TFCP2L1: variants seen among roughly 807,000 people sequenced by gnomAD.
The protein encoded by TFCP2L1 is transcription factor CP2 like 1.
In TFCP2L1, 12 loss-of-function variants were observed where a neutral mutation model predicts 72.2. The observed-to-expected ratio is 0.17, with a 90% CI of 0.11 to 0.27. The LOEUF (loss-of-function observed/expected upper bound fraction) is 0.27, where lower values mean the gene tolerates loss of function less well. Ranked by LOEUF, TFCP2L1 falls within the 10% of genes least tolerant of loss-of-function variation. The pLI, the probability that TFCP2L1 is intolerant of heterozygous loss-of-function variation, is 1.00. For missense variants in TFCP2L1, 488 were observed against 624.6 expected, an observed-to-expected ratio of 0.78 and a Z score of 2.33; for synonymous variants, 260 against 251.0, an observed-to-expected ratio of 1.04 and a Z score of -0.34.
At chr2:121,240,728 C>G (rs1447221678) in intron 7 of TFCP2L1, 1 of 985,386 alleles carries the variant, frequency 1.0e-6, no homozygotes, top group Non-Finnish European at 1.2e-6. Flanking sequence ...GGGGAACACT[C>G]TGGGCAGTGG....
At chr2:121,230,764 C>T (rs991862102) in intron 13 of TFCP2L1, among the ~76,000 whole-genome samples, 1 of 145,926 alleles carries the variant, frequency 6.9e-6, no homozygotes, top group African/African-American at 2.8e-5. Flanking sequence ...TCTTGTCTCA[C>T]AACAACAACA....
At chr2:121,250,988 G>T (rs1159715281) in intron 2 of TFCP2L1, among the ~76,000 whole-genome samples, 1 of 151,476 alleles carries the variant, frequency 6.6e-6, no homozygotes, top group African/African-American at 2.4e-5. Context: ...ATATGGCCAG[G>T]CACGGTGGCT....
At chr2:121,279,848 G>T (rs1419264328) in intron 2 of TFCP2L1, among the ~76,000 whole-genome samples, 1 of 152,212 alleles carries the variant, frequency 6.6e-6, no homozygotes, top group South Asian at 2.1e-4. Flanking sequence ...CAGGGGTAGA[G>T]CAGACACACA....
chr2:121,254,279 A>G (rs1180585614), intron 2 of TFCP2L1, among the ~76,000 whole-genome samples: 1 of 152,160 alleles, frequency 6.6e-6, no homozygotes, highest in Non-Finnish European at 1.5e-5. Context: ...AGGGTTGACA[A>G]TCCTCTGGAG....
chr2:121,257,331 G>T (rs1047255757), intron 2 of TFCP2L1, among the ~76,000 whole-genome samples: 1 of 151,830 alleles, frequency 6.6e-6, no homozygotes, highest in African/African-American at 2.4e-5. Context: ...TCCCGGGGGA[G>T]GGGTGGGGCT....
intron 2 of TFCP2L1, among the ~76,000 whole-genome samples, chr2:121,280,258 C>T (rs1687229106): frequency 6.6e-6 from 1 of 151,530 alleles, no homozygotes; most frequent in Non-Finnish European, 1.5e-5. Context: ...AATTCAAACT[C>T]CAAAGCCTGT....
At chr2:121,284,924 C>T in intron 1 of TFCP2L1, 124 bp downstream of exon 1, 1 of 855,146 alleles carries the variant, frequency 1.2e-6, no homozygotes, top group African/African-American at 1.8e-5. Context: ...TCTCAGTCCC[C>T]AGAGGGCGGA....
intron 2 of TFCP2L1, among the ~76,000 whole-genome samples, chr2:121,252,500 A>G (rs1464623612): frequency 6.6e-6 from 1 of 152,216 alleles, no homozygotes; most frequent in East Asian, 1.9e-4. Flanking sequence ...AGCAGACACA[A>G]TTAAGATTCT....
chr2:121,281,340 G>C (rs957638831), intron 1 of TFCP2L1, 69 bp from the exon 2 acceptor site: 125 of 1,508,296 alleles, frequency 8.3e-5, no homozygotes, highest in Non-Finnish European at 1.0e-4. Flanking sequence ...CCAGGGCGAA[G>C]CTAGAGAGAC....
At chr2:121,235,391 T>C (rs1478782750) in intron 10 of TFCP2L1, 80 bp from the exon 11 acceptor site, 14 of 1,055,544 alleles carry the variant, frequency 1.3e-5, no homozygotes, top group East Asian at 8.6e-5. Context: ...GCAGACCCCA[T>C]AGCACTGGGG....
intron 2 of TFCP2L1, among the ~76,000 whole-genome samples, chr2:121,257,755 A>G (rs1368377870): frequency 6.6e-6 from 1 of 152,180 alleles, no homozygotes. Flanking sequence ...ATGAATGGGC[A>G]GCGCTGTAAT....
Position 121,263,224 on chromosome 2 carries a change from C to T in TFCP2L1, c.215-13577G>A, listed in dbSNP as rs189635804. ...GTGCTGGGATTACAGGCATGAGCCA[C>T]CATGTCTGGCCCTTTTCTATTTTAT... On this transcript the variant is annotated intron_variant, in intron 2 of 14. Coordinates refer to ENST00000263707, the MANE Select transcript of TFCP2L1 (RefSeq NM_014553.3). Among the ~76,000 whole-genome samples the T allele has an allele frequency of 3.6e-3, 546 of 152,334 alleles. 1 individual carries two copies. Among genetic ancestry groups the T allele is most frequent in the Admixed American group, 7.7e-3 (118 of 15,302 alleles).
intron 2 of TFCP2L1, among the ~76,000 whole-genome samples, chr2:121,264,964 C>A (rs1172581499): frequency 6.6e-6 from 1 of 152,166 alleles, no homozygotes; most frequent in African/African-American, 2.4e-5. Flanking sequence ...CCCAGCAATT[C>A]CCCTCCTACA....
chr2:121,263,797 A>C (rs1686876706), intron 2 of TFCP2L1, among the ~76,000 whole-genome samples: 1 of 152,212 alleles, frequency 6.6e-6, no homozygotes, highest in Non-Finnish European at 1.5e-5. Context: ...TTATGCATGA[A>C]AATATACTGG....
intron 10 of TFCP2L1, among the ~76,000 whole-genome samples, chr2:121,236,266 C>T (rs377558549): frequency 6.6e-6 from 1 of 152,130 alleles, no homozygotes; most frequent in Non-Finnish European, 1.5e-5. Context: ...GGTCTAGCCC[C>T]GGAGAGGGCT....
rs1178680004 is a variant in TFCP2L1, at chr2:121,249,034, C to T, written c.345G>A (p.Gln115=). The change falls in exon 4 of 15, where the codon CAG becomes CAA. Residue 115 remains glutamine, a synonymous_variant. Transcript: ENST00000263707. ...HDRRLQYTEH[Q]QLEGWRWSRP... is the part of the protein sequence containing the mutation. The stretch of plus-strand genomic sequence containing the variant: ...GACTCCACCGCCAGCCCTCCAGCTG[C>T]TGGTGCTCCGTATACTGCAGCCGGC... 1 of 1,605,612 alleles carries T rather than the reference C, an allele frequency of 6.2e-7. No homozygotes were observed. Among genetic ancestry groups the T allele is most frequent in the African/African-American group, 1.3e-5 (1 of 74,686 alleles).
chr2:121,285,133 C>T lies in TFCP2L1; in HGVS notation c.-24G>A. On this transcript the variant is annotated 5_prime_UTR_variant, in exon 1 of 15. Coordinates refer to ENST00000263707, the MANE Select transcript of TFCP2L1 (RefSeq NM_014553.3). ...ATGGCTGGAACTCCCAGCGCGCCGA[C>T]CGGGGCGCGGCAGCAAGCGCAGACG... is the stretch of plus-strand genomic sequence containing the variant. The T allele has an allele frequency of 6.8e-7, 1 of 1,481,202 alleles. No individual in the cohort carries two copies. The highest frequency in any genetic ancestry group is 9.0e-7 in the Non-Finnish European group (1 of 1,113,758). The allele number at this position is 1,481,202 out of a possible 1,614,324, so 91.8% of individuals were successfully genotyped here. A position where few individuals can be genotyped will look rare whatever the true frequency, so the allele number is the denominator to read the frequency against.
chr2:121,239,504 A>C (rs1686318648), intron 8 of TFCP2L1, 54 bp downstream of exon 8: 1 of 1,591,526 alleles, frequency 6.3e-7, no homozygotes, highest in Non-Finnish European at 8.6e-7. Context: ...CTAAGAAAGG[A>C]AAGTACACCT....
intron 7 of TFCP2L1, 72 bp downstream of exon 7, chr2:121,242,287 G>C (rs1467397573): frequency 1.5e-6 from 2 of 1,373,842 alleles, no homozygotes; most frequent in African/African-American, 1.4e-5. Flanking sequence ...GATTTTCCAA[G>C]AATCTAAACC....
Sources: gnomAD v4.1 joint callset for allele counts (sites outside exome capture counted in the v4.1 genomes callset) on GRCh38, gnomAD v4.1.1 for gene constraint, MANE v1.5 for transcripts, NCBI Gene and HGNC (gene_info 2026-07-23, HGNC 2026-07-21) for gene names.